Variants in MTR observed in about 807,000 individuals in gnomAD.
MTR encodes the protein methionine synthase.
In MTR, 84 loss-of-function variants were observed where a neutral mutation model predicts 154.8. The observed-to-expected ratio is 0.54, with a 90% CI of 0.45 to 0.65. The LOEUF (loss-of-function observed/expected upper bound fraction) is 0.65, where lower values mean the gene tolerates loss of function less well. MTR is among the 30% of genes least tolerant of loss of function. The pLI, the probability that MTR is intolerant of heterozygous loss-of-function variation, is 0.00. For synonymous variants in MTR, 554 were observed against 553.9 expected, an observed-to-expected ratio of 1.00 and a Z score of 0.00; for missense variants, 1,275 against 1,570.2, an observed-to-expected ratio of 0.81 and a Z score of 3.18.
intron 13 of MTR, among the ~76,000 whole-genome samples, chr1:236,835,280 G>A (rs1261925539): frequency 6.6e-6 from 1 of 152,070 alleles, no homozygotes; most frequent in East Asian, 1.9e-4. Flanking sequence ...AGAGGGCCTT[G>A]ACTGCCATGC....
At chr1:236,874,036 G>A (rs562009189) in intron 23 of MTR, among the ~76,000 whole-genome samples, 196 bp downstream of exon 23, 2 of 152,276 alleles carry the variant, frequency 1.3e-5, no homozygotes, top group East Asian at 3.9e-4. Context: ...GAGTAACTAT[G>A]GAACCGAGTC....
At chr1:236,799,255 G>A (rs567637306) in intron 1 of MTR, among the ~76,000 whole-genome samples, 15 of 152,020 alleles carry the variant, frequency 9.9e-5, no homozygotes, top group Middle Eastern at 3.4e-3. Context: ...ACTAGTAGCT[G>A]GGACTACAGG....
At chr1:236,880,903 A>G in intron 25 of MTR, 67 bp downstream of exon 25, 1 of 1,415,372 alleles carries the variant, frequency 7.1e-7, no homozygotes, top group Admixed American at 1.7e-5. Context: ...TAAGGGTTTA[A>G]CTTAAGATCT....
chr1:236,824,353 T>C (rs1235905587), intron 9 of MTR, 134 bp downstream of exon 9: 3 of 813,902 alleles, frequency 3.7e-6, no homozygotes, highest in South Asian at 1.4e-5. Context: ...AAATGAAGAG[T>C]GTCTGGGTGC....
intron 22 of MTR, among the ~76,000 whole-genome samples, chr1:236,866,221 C>T (rs531950724): frequency 1.3e-5 from 2 of 152,100 alleles, no homozygotes; most frequent in African/African-American, 4.8e-5. Flanking sequence ...AGCATGTGCT[C>T]ATTTCACGTC....
chr1:236,842,303 A>G (rs937399758), intron 15 of MTR, among the ~76,000 whole-genome samples: 2 of 152,198 alleles, frequency 1.3e-5, no homozygotes, highest in African/African-American at 4.8e-5. Context: ...TGAGCCATCC[A>G]TTATGCTGGC....
At chr1:236,885,046 G>C in intron 25 of MTR, 75 bp from the exon 26 acceptor site, 1 of 891,472 alleles carries the variant, frequency 1.1e-6, no homozygotes, top group Non-Finnish European at 1.9e-6. Context: ...TCCTGAAGGA[G>C]GTGTTATCAG....
At chr1:236,896,869 G>C in intron 31 of MTR, 137 bp from the exon 32 acceptor site, 1 of 769,622 alleles carries the variant, frequency 1.3e-6, no homozygotes, top group South Asian at 1.4e-5. Context: ...CTTTCATGCT[G>C]TGTCATGTGT....
intron 26 of MTR, among the ~76,000 whole-genome samples, chr1:236,885,754 C>A (rs890816001): frequency 3.3e-5 from 5 of 152,322 alleles, no homozygotes; most frequent in African/African-American, 9.6e-5. Flanking sequence ...TGAAATATTT[C>A]TTTCCGGTTA....
Position 236,852,516 on chromosome 1 carries a change from GC to G in MTR, c.1696-3del, listed in dbSNP as rs775353270. ...AATCTTTTCATATTTTAAAATTTTT[GC>G]CAGGAAACATTACCTGGAGCCAGAA... On this transcript the variant is annotated splice_polypyrimidine_tract_variant and splice_region_variant and intron_variant, in intron 16 of 32. Transcript: ENST00000366577. 1.2e-6 allele frequency: 2 copies of G among 1,607,416 alleles called. No individual in the cohort carries two copies. Among genetic ancestry groups the G allele is most frequent in the Non-Finnish European group, 1.7e-6 (2 of 1,174,358 alleles).
intron 18 of MTR, among the ~76,000 whole-genome samples, chr1:236,857,068 A>G (rs1256819319): frequency 6.6e-6 from 1 of 152,158 alleles, no homozygotes; most frequent in East Asian, 1.9e-4. Context: ...ACTGGGTCAA[A>G]TGGTATTTCT....
chr1:236,813,829 G>T (rs1228545307), intron 6 of MTR, among the ~76,000 whole-genome samples: 1 of 152,212 alleles, frequency 6.6e-6, no homozygotes, highest in African/African-American at 2.4e-5. Context: ...GGTGATGGTG[G>T]TAGTGTTGTG....
At chr1:236,833,273 C>G (rs1200670658) in intron 13 of MTR, among the ~76,000 whole-genome samples, 2 of 152,130 alleles carry the variant, frequency 1.3e-5, no homozygotes, top group Non-Finnish European at 2.9e-5. Flanking sequence ...TCTATGGTGT[C>G]CCTTTGGTGG....
At chr1:236,797,027 AAAAT>A (rs1437367784) in intron 1 of MTR, among the ~76,000 whole-genome samples, 7 of 152,154 alleles carry the variant, frequency 4.6e-5, no homozygotes, top group Admixed American at 6.5e-5. Context: ...TTAAAAAAAA[AAAAT>A]AAACTGAAAG....
intron 4 of MTR, 56 bp from the exon 5 acceptor site, chr1:236,810,447 C>T (rs747790906): frequency 9.1e-5 from 128 of 1,401,054 alleles, no homozygotes; most frequent in Middle Eastern, 8.8e-4. Context: ...TATTCATTCA[C>T]GACAAAAAAT....
At chr1:236,867,287 T>C (rs1159176279) in intron 22 of MTR, among the ~76,000 whole-genome samples, 1 of 152,194 alleles carries the variant, frequency 6.6e-6, no homozygotes, top group Non-Finnish European at 1.5e-5. Flanking sequence ...ATCTACTCTG[T>C]CTGTGCTCTA....
chr1:236,860,915 A>G (rs1320756502), intron 19 of MTR, among the ~76,000 whole-genome samples: 2 of 152,180 alleles, frequency 1.3e-5, no homozygotes, highest in African/African-American at 4.8e-5. Context: ...AACATATGAG[A>G]TACTATTGTA....
chr1:236,888,893 C>T (rs1050339179), intron 27 of MTR, among the ~76,000 whole-genome samples: 6 of 152,142 alleles, frequency 3.9e-5, no homozygotes, highest in African/African-American at 7.2e-5. Context: ...AGGATTAACC[C>T]GTCTGTCTTT....
chr1:236,798,463 G>C (rs551737286), intron 1 of MTR, among the ~76,000 whole-genome samples: 3 of 152,096 alleles, frequency 2.0e-5, no homozygotes, highest in Non-Finnish European at 4.4e-5. Context: ...AATATTGTTA[G>C]CTAGAAAATA....
Sources: gnomAD v4.1 joint callset for allele counts (sites outside exome capture counted in the v4.1 genomes callset) on GRCh38, gnomAD v4.1.1 for gene constraint, MANE v1.5 for transcripts, NCBI Gene and HGNC (gene_info 2026-07-23, HGNC 2026-07-21) for gene names.